The following PIK3R1 variants were observed in gnomAD, a reference collection of about 807,000 sequenced individuals.
PIK3R1 encodes the protein phosphoinositide-3-kinase regulatory subunit 1.
A neutral mutation model predicts 98.0 loss-of-function variants in PIK3R1; 29 were observed. That is an observed-to-expected ratio of 0.30 (90% CI 0.22 to 0.40). The LOEUF is 0.40. Among genes scored for constraint, PIK3R1 ranks in the 10% least tolerant of loss-of-function variants. PIK3R1 has a pLI of 1.00. For synonymous variants in PIK3R1, 282 were observed against 311.8 expected, an observed-to-expected ratio of 0.90 and a Z score of 1.01; for missense variants, 596 against 872.7, an observed-to-expected ratio of 0.68 and a Z score of 3.99.
In PIK3R1 at chr5:68,262,864, T is replaced by TAG. The variant is rs1195708666; in HGVS notation, c.335-10525_335-10524insGA. Among the ~76,000 whole-genome samples the TAG allele has an allele frequency of 5.0e-4, 55 of 109,378 alleles. 3 individuals carry two copies. The highest frequency in any genetic ancestry group is 8.4e-4 in the Admixed American group (10 of 11,852). The allele number at this position is 109,378 out of a possible 152,430, so 71.8% of individuals were successfully genotyped here. ...ACATGTAGATACATGTAGATACATG[T>TAG]ATACATGTAGATACATGTAGATACA... On this transcript the variant is annotated intron_variant, in intron 2 of 15. Coordinates refer to ENST00000521381, the MANE Select transcript of PIK3R1 (RefSeq NM_181523.3).
chr5:68,262,898 T>TGTAG (rs1745906192), intron 2 of PIK3R1, among the ~76,000 whole-genome samples: 6 of 110,240 alleles, frequency 5.4e-5, no homozygotes, highest in East Asian at 2.9e-4. Context: ...CATGTATACA[T>TGTAG]ATATACATGT....
intron 2 of PIK3R1, among the ~76,000 whole-genome samples, chr5:68,263,850 C>T (rs916152725): frequency 2.6e-5 from 4 of 152,158 alleles, no homozygotes; most frequent in Admixed American, 6.5e-5. Context: ...ACACACAGGT[C>T]ATTGCTTTCC....
chr5:68,218,038 T>G (rs1743966341), intron 1 of PIK3R1, among the ~76,000 whole-genome samples: 3 of 152,250 alleles, frequency 2.0e-5, no homozygotes, highest in Non-Finnish European at 2.9e-5. Context: ...TTCCTATCCA[T>G]GATGCTGTAT....
chr5:68,219,587 C>T (rs1302850281), intron 1 of PIK3R1, among the ~76,000 whole-genome samples: 1 of 152,234 alleles, frequency 6.6e-6, no homozygotes, highest in Non-Finnish European at 1.5e-5. Context: ...CCTCCTTTGT[C>T]CTGACCTCTG....
intron 5 of PIK3R1, chr5:68,280,123 G>T: frequency 3.3e-6 from 1 of 302,518 alleles, no homozygotes; most frequent in Admixed American, 4.7e-5. Flanking sequence ...AGGGAAGATG[G>T]CTCTCAGTTT....
chr5:68,256,501 A>ATTAC (rs1745520965), intron 2 of PIK3R1, among the ~76,000 whole-genome samples: 1 of 152,182 alleles, frequency 6.6e-6, no homozygotes, highest in Non-Finnish European at 1.5e-5. Flanking sequence ...AAGTGCTGGG[A>ATTAC]TTACAGGTGT....
At chr5:68,236,837 TACA>T (rs1744686845) in intron 2 of PIK3R1, among the ~76,000 whole-genome samples, 1 of 152,216 alleles carries the variant, frequency 6.6e-6, no homozygotes, top group Admixed American at 6.5e-5. Flanking sequence ...ATATGTGACT[TACA>T]ACATTTTCTT....
In PIK3R1 at chr5:68,262,510, GTA is replaced by G. The variant is rs541096338; in HGVS notation, c.335-10877_335-10876del. Among the ~76,000 whole-genome samples the G allele has an allele frequency of 6.7e-4, 81 of 121,622 alleles. No homozygotes were observed. The East Asian group carries it at 0.015, about 22-fold the overall frequency. 79.8% of individuals were successfully genotyped at this position (121,622 alleles called of 152,430 possible). On this transcript the variant is annotated intron_variant, in intron 2 of 15. Coordinates refer to ENST00000521381, the MANE Select transcript of PIK3R1 (RefSeq NM_181523.3). The stretch of plus-strand genomic sequence containing the variant: ...TATATGTATACATATATCTATATAT[GTA>G]TACATATAGATACATAGCTATATAG...
chr5:68,287,128 C>G (rs1747110317), intron 7 of PIK3R1, among the ~76,000 whole-genome samples: 1 of 152,170 alleles, frequency 6.6e-6, no homozygotes, highest in South Asian at 2.1e-4. Context: ...TATGTGACCA[C>G]TGGATCACTT....
chr5:68,295,111 A>T (rs1026625997), intron 12 of PIK3R1, 37 bp from the exon 13 acceptor site: 7 of 1,578,900 alleles, frequency 4.4e-6, no homozygotes, highest in African/African-American at 1.4e-5. Context: ...TTCCTGATGT[A>T]CCCAGATAAT....
In PIK3R1 at chr5:68,297,680, G is replaced by A. The variant is rs1232034024; in HGVS notation, c.*79G>A. On this transcript the variant is annotated 3_prime_UTR_variant, in exon 16 of 16. Coordinates refer to ENST00000521381, the MANE Select transcript of PIK3R1 (RefSeq NM_181523.3). ...AAAGCAAAGGGCTCCTCTCCAGTCT[G>A]ATCTGTGAATTGAGCTGCAGAAACG... 5.1e-6 allele frequency: 6 copies of A among 1,184,038 alleles called. No homozygotes were observed. In the Admixed American group the frequency reaches 8.4e-5, roughly 17 times the overall value. The allele number at this position is 1,184,038 out of a possible 1,614,324, so 73.3% of individuals were successfully genotyped here.
chr5:68,262,891 GTATACATA>G (rs1182919641), intron 2 of PIK3R1, among the ~76,000 whole-genome samples: 30 of 110,378 alleles, frequency 2.7e-4, no homozygotes, highest in East Asian at 1.4e-3. Flanking sequence ...GTAGATACAT[GTATACATA>G]TATACATGTA....
chr5:68,289,509 A>G (rs1747260335), intron 7 of PIK3R1, among the ~76,000 whole-genome samples: 1 of 152,046 alleles, frequency 6.6e-6, no homozygotes, highest in Admixed American at 6.6e-5. Context: ...CATAGATCAC[A>G]GAGCCCCACT....
chr5:68,262,592 T>TG (rs1745827862), intron 2 of PIK3R1, among the ~76,000 whole-genome samples: 6 of 128,998 alleles, frequency 4.7e-5, no homozygotes, highest in Admixed American at 7.2e-5. Flanking sequence ...TACACATGTA[T>TG]CTGCATGTAT....
At chr5:68,297,274 G>A (rs544553465) in intron 15 of PIK3R1, 138 bp from the exon 16 acceptor site, 19 of 643,674 alleles carry the variant, frequency 3.0e-5, no homozygotes, top group Middle Eastern at 2.6e-4. Flanking sequence ...CAAGGCACTC[G>A]GCCAGGTGTC....
chr5:68,257,111 C>T (rs1745549170), intron 2 of PIK3R1, among the ~76,000 whole-genome samples: 2 of 152,286 alleles, frequency 1.3e-5, no homozygotes, highest in South Asian at 4.1e-4. Context: ...CCAGCCAAGC[C>T]CAGATTACCC....
At position 68,226,492 on chromosome 5, in the gene PIK3R1, C is replaced by T; in HGVS notation, c.-184C>T. 1.8e-6 allele frequency: 1 copy of T among 567,196 alleles called. No individual in the cohort carries two copies. The highest frequency in any genetic ancestry group is 2.5e-5 in the South Asian group (1 of 39,466). 35.1% of individuals were successfully genotyped at this position (567,196 alleles called of 1,614,324 possible). A position where few individuals can be genotyped will look rare whatever the true frequency, so the allele number is the denominator to read the frequency against. On this transcript the variant is annotated 5_prime_UTR_variant, in exon 2 of 16. Coordinates refer to ENST00000521381, the MANE Select transcript of PIK3R1 (RefSeq NM_181523.3). ...CTTCGGTCACACCATTGATGGAGGA[C>T]AGATGGACAGCCGTATGGCCAGTCA...
intron 12 of PIK3R1, 118 bp from the exon 13 acceptor site, chr5:68,295,030 A>G (rs1266715212): frequency 3.4e-6 from 2 of 584,644 alleles, no homozygotes; most frequent in East Asian, 3.3e-5. Context: ...TGACAGGAAG[A>G]GAAGCCACGC....
chr5:68,246,313 AT>A (rs11351105), intron 2 of PIK3R1, among the ~76,000 whole-genome samples: 64,651 of 127,032 alleles, frequency 0.51, 14,562 homozygotes, highest in African/African-American at 0.59. Context: ...TGGTGTGTAT[AT>A]TTTTTTTTTT....
Sources: allele counts gnomAD v4.1 joint callset (sites outside exome capture counted in the v4.1 genomes callset), GRCh38; gene constraint gnomAD v4.1.1; transcripts MANE v1.5; gene names NCBI Gene and HGNC (gene_info 2026-07-23, HGNC 2026-07-21).